Variants in CPNE9 observed in about 807,000 individuals in gnomAD.
CPNE9 encodes the protein copine-9.
Under a neutral mutation model 83.0 loss-of-function variants are expected in CPNE9, and 59 were observed. That is an observed-to-expected ratio of 0.71 (90% CI 0.58 to 0.88). CPNE9 has a LOEUF of 0.88. Among genes scored for constraint, CPNE9 ranks in the 40% least tolerant of loss-of-function variants. The pLI is 0.00. For synonymous variants in CPNE9, 256 were observed against 273.4 expected (o/e 0.94, Z 0.63); for missense variants, 619 against 720.8 (o/e 0.86, Z 1.62).
intron 17 of CPNE9, among the ~76,000 whole-genome samples, chr3:9,724,966 A>G (rs2125475476): frequency 6.6e-6 from 1 of 152,106 alleles, no homozygotes. Context: ...CATATTGGCC[A>G]GGCTGGTCTC....
chr3:9,725,640 G>GTATGTATATATGTGTATATATGTATATA (rs2076772956), intron 17 of CPNE9, among the ~76,000 whole-genome samples: 1 of 49,430 alleles, frequency 2.0e-5, no homozygotes, highest in African/African-American at 8.0e-5. Flanking sequence ...GTATATACAT[G>GTATGTATATATGTGTATATATGTATATA]TATGTGTATA....
rs1263014664 is a variant in CPNE9, at chr3:9,729,605, G to A, written c.1575G>A (p.Leu525=). 2 of 1,613,990 alleles carry A rather than the reference G, an allele frequency of 1.2e-6. No individual in the cohort carries two copies. The highest frequency in any genetic ancestry group is 1.3e-5 in the African/African-American group (1 of 74,884). Residue 525 remains leucine (L), a synonymous_variant, in exon 21 of 21, where the codon CTG becomes CTA. Coordinates refer to ENST00000383832, the MANE Select transcript of CPNE9 (RefSeq NM_153635.3). ...KDVLAEIPEQ[L]LSYMRTRDIQ... ...TGCTGGCCGAGATCCCGGAGCAGCT[G>A]CTGTCCTATATGCGCACCAGAGACA...
intron 15 of CPNE9, among the ~76,000 whole-genome samples, chr3:9,717,674 A>G (rs2076696224): frequency 6.6e-6 from 1 of 151,958 alleles, no homozygotes; most frequent in Non-Finnish European, 1.5e-5. Flanking sequence ...AAGTGGGTGG[A>G]TGGATGGATG....
At chr3:9,721,391 C>T (rs1024988850) in intron 17 of CPNE9, among the ~76,000 whole-genome samples, 7 of 152,228 alleles carry the variant, frequency 4.6e-5, no homozygotes, top group Non-Finnish European at 7.3e-5. Flanking sequence ...ATTCTTCTCA[C>T]ATTGCATCCC....
chr3:9,705,046 C>A, intron 4 of CPNE9, 52 bp downstream of exon 4: 2 of 1,373,740 alleles, frequency 1.5e-6, no homozygotes, highest in East Asian at 2.4e-5. Context: ...CTGGATCCGC[C>A]CGGAATTCTG....
intron 7 of CPNE9, among the ~76,000 whole-genome samples, chr3:9,709,150 C>T (rs1315704881): frequency 6.7e-6 from 1 of 149,634 alleles, no homozygotes; most frequent in East Asian, 2.1e-4. Context: ...GTGGCGCACG[C>T]TTGTAATCCC....
At chr3:9,723,410 T>A (rs1161602359) in intron 17 of CPNE9, among the ~76,000 whole-genome samples, 2 of 151,542 alleles carry the variant, frequency 1.3e-5, no homozygotes, top group Non-Finnish European at 2.9e-5. Context: ...AGGCAGAGGT[T>A]GCAGTGAGCT....
rs938424165 is a variant in CPNE9, at chr3:9,712,559, G to A, written c.396G>A (p.Lys132=). The A allele has an allele frequency of 3.7e-6, 6 of 1,614,034 alleles. No homozygotes were observed. In the African/African-American group the frequency reaches 8.0e-5, roughly 22 times the overall value. Residue 132 remains lysine, a synonymous_variant, in exon 8 of 21, where the codon AAG becomes AAA. Transcript: ENST00000383832. Reference sequence around the variant, plus strand: ...CTTCCAGGGGTGTACCAGGCAAGAAGTGTGGGACCATATTGCTGACTGCAG... The same window carrying A: ...CTTCCAGGGGTGTACCAGGCAAGAAATGTGGGACCATATTGCTGACTGCAG... ...ERTLTGVPGK[K]CGTILLTAEE...
In CPNE9 at chr3:9,715,324, G is replaced by A. The variant is rs1171196124; in HGVS notation, c.728G>A (p.Arg243Gln). The change falls in exon 12 of 21, where the codon CGG (arginine) becomes CAG (glutamine). Residue 243 changes from arginine (R) to glutamine (Q), a missense_variant. Around this residue, in one of 3 missense-constraint regions of CPNE9, gnomAD observed 438 missense variants for 562.9 expected, o/e 0.78. Transcript: ENST00000383832. ...DFIGEFTTSY[R>Q]ELSKAQNQFT... ...ATTGGTGAGTTCACCACCAGCTACCGGGAGCTGAGCAAGGCCCAGAACCAG... is the reference window on the plus strand; with the variant it reads ...ATTGGTGAGTTCACCACCAGCTACCAGGAGCTGAGCAAGGCCCAGAACCAG... 1.2e-5 allele frequency: 19 copies of A among 1,614,052 alleles called. No homozygotes were observed. The highest frequency in any genetic ancestry group is 2.2e-5 in the East Asian group (1 of 44,906).
intron 14 of CPNE9, 143 bp downstream of exon 14, chr3:9,716,178 G>A (rs1437674932): frequency 1.3e-5 from 9 of 692,498 alleles, no homozygotes; most frequent in Non-Finnish European, 2.5e-6. Flanking sequence ...ACTATAAAGT[G>A]CTCTGTAAAA....
chr3:9,709,094 T>C (rs2076595944), intron 7 of CPNE9, among the ~76,000 whole-genome samples: 1 of 149,752 alleles, frequency 6.7e-6, no homozygotes, highest in Non-Finnish European at 1.5e-5. Flanking sequence ...GCCAAAATAG[T>C]GAAATCCCAT....
At chr3:9,712,237 A>AG (rs2076637167) in intron 7 of CPNE9, among the ~76,000 whole-genome samples, 1 of 152,206 alleles carries the variant, frequency 6.6e-6, no homozygotes. Context: ...AGGCCGAGGA[A>AG]GGGTAAATAA....
chr3:9,719,306 G>A (rs1408386293), intron 17 of CPNE9, among the ~76,000 whole-genome samples: 8 of 152,136 alleles, frequency 5.3e-5, no homozygotes, highest in Non-Finnish European at 1.2e-4. Flanking sequence ...AGGGATGACT[G>A]TACCTTATTA....
At chr3:9,723,064 T>C (rs2076747827) in intron 17 of CPNE9, among the ~76,000 whole-genome samples, 1 of 152,172 alleles carries the variant, frequency 6.6e-6, no homozygotes. Context: ...TGGTGCCTGA[T>C]ACACAGTAGG....
At chr3:9,716,588 A>G (rs570865711) in intron 14 of CPNE9, among the ~76,000 whole-genome samples, 16 of 152,108 alleles carry the variant, frequency 1.1e-4, no homozygotes, top group Non-Finnish European at 2.1e-4. Flanking sequence ...CTCCTGCCTC[A>G]GCCTCCCAAG....
At chr3:9,705,426 C>A in intron 4 of CPNE9, 38 bp from the exon 5 acceptor site, 4 of 1,074,802 alleles carry the variant, frequency 3.7e-6, no homozygotes, top group Admixed American at 2.3e-5. Context: ...CTCTCCCCCA[C>A]CCAGCCCCAC....
At chr3:9,726,805 C>T in intron 19 of CPNE9, 83 bp downstream of exon 19, 1 of 1,231,540 alleles carries the variant, frequency 8.1e-7, no homozygotes, top group Non-Finnish European at 1.2e-6. Flanking sequence ...GCCTGCCTCA[C>T]AGATGACACA....
At chr3:9,705,416 C>T in intron 4 of CPNE9, 48 bp from the exon 5 acceptor site, 1 of 821,924 alleles carries the variant, frequency 1.2e-6, no homozygotes, top group Middle Eastern at 2.8e-4. Context: ...CCTTTCCACC[C>T]TCTCCCCCAC....
chr3:9,707,560 A>C (rs1309537731), intron 7 of CPNE9, among the ~76,000 whole-genome samples: 2 of 151,716 alleles, frequency 1.3e-5, no homozygotes, highest in African/African-American at 4.8e-5. Flanking sequence ...GTTGAGGACA[A>C]CACCAAGATC....
Sources: gnomAD v4.1 joint callset for allele counts (sites outside exome capture counted in the v4.1 genomes callset) on GRCh38, gnomAD v4.1.1 for gene constraint, gnomAD v4.1.1 regional missense constraint, MANE v1.5 for transcripts, NCBI Gene and HGNC (gene_info 2026-07-23, HGNC 2026-07-21) for gene names.